Variants in CBL observed in about 807,000 individuals in gnomAD.
CBL encodes the protein Cbl proto-oncogene, also known as E3 ubiquitin-protein ligase CBL.
In CBL, 45 loss-of-function variants were observed where a neutral mutation model predicts 96.9. The ratio of observed to expected loss-of-function variants is 0.46; its 90% CI spans 0.37 to 0.60. The LOEUF (loss-of-function observed/expected upper bound fraction) is 0.60, where lower values mean the gene tolerates loss of function less well. Ranked by LOEUF, CBL falls within the 20% of genes least tolerant of loss-of-function variation. The pLI is 0.00. For missense variants in CBL, 1,024 were observed against 1,143.5 expected, an observed-to-expected ratio of 0.90 and a Z score of 1.51; for synonymous variants, 420 against 426.8, an observed-to-expected ratio of 0.98 and a Z score of 0.20.
intron 4 of CBL, 71 bp downstream of exon 4, chr11:119,274,095 T>G (rs1949869568): frequency 1.6e-6 from 2 of 1,237,064 alleles, no homozygotes; most frequent in African/African-American, 1.5e-5. Flanking sequence ...TTTTTTTTTT[T>G]TTTAAATAAC....
chr11:119,260,478 G>T (rs999079503), intron 2 of CBL, among the ~76,000 whole-genome samples: 1 of 151,828 alleles, frequency 6.6e-6, no homozygotes, highest in African/African-American at 2.4e-5. Context: ...GCTTCTTTAT[G>T]CCTAAATTGT....
chr11:119,273,777 A>G (rs988520647), intron 3 of CBL, 91 bp from the exon 4 acceptor site: 1 of 1,080,042 alleles, frequency 9.3e-7, no homozygotes, highest in African/African-American at 1.6e-5. Context: ...TTGAGAGCTT[A>G]ATGTGGCTCT....
rs1437446497 is a variant in CBL, at chr11:119,307,817, A to G, written c.*8036A>G. 4.7e-6 allele frequency: 1 copy of G among 212,374 alleles called. No individual in the cohort carries two copies. Among genetic ancestry groups the G allele is most frequent in the Admixed American group, 5.9e-5 (1 of 17,022 alleles). The allele number at this position is 212,374 out of a possible 1,614,324, so 13.2% of individuals were successfully genotyped here. On this transcript the variant is annotated 3_prime_UTR_variant, in exon 16 of 16. Transcript: ENST00000264033. ...ATATCAGTGTTAAGAAGAAAACAAA[A>G]CAAACACATAGGTGAGATTTTCGTG...
chr11:119,218,892 G>T (rs1396151749), intron 1 of CBL, among the ~76,000 whole-genome samples: 1 of 152,182 alleles, frequency 6.6e-6, no homozygotes, highest in Non-Finnish European at 1.5e-5. Context: ...TTACTAAGAT[G>T]TACAGTAAGA....
At chr11:119,255,704 G>A (rs1949706098) in intron 2 of CBL, among the ~76,000 whole-genome samples, 1 of 152,092 alleles carries the variant, frequency 6.6e-6, no homozygotes, top group Non-Finnish European at 1.5e-5. Context: ...TTTGTGAACA[G>A]TTTGTAAAAG....
rs1433052830 is a variant in CBL at position 119,303,667 on chromosome 11, T to C, written c.*3886T>C. ...TGATAATGCCTGGGAGATTCCTTGG[T>C]GTAAGTGTCATGGATACCGACTGTT... is the stretch of plus-strand genomic sequence containing the variant. On this transcript the variant is annotated 3_prime_UTR_variant, in exon 16 of 16. Transcript: ENST00000264033. 1.3e-5 allele frequency: 3 copies of C among 233,606 alleles called. No homozygotes were observed. Among genetic ancestry groups the C allele is most frequent in the Non-Finnish European group, 2.5e-5 (3 of 118,044 alleles). 14.5% of individuals were successfully genotyped at this position (233,606 alleles called of 1,614,324 possible).
chr11:119,211,814 C>T (rs1294339916), intron 1 of CBL, among the ~76,000 whole-genome samples: 1 of 151,744 alleles, frequency 6.6e-6, no homozygotes, highest in Non-Finnish European at 1.5e-5. Context: ...GTTGTTGTTA[C>T]GACTCTTTAA....
chr11:119,220,352 T>C (rs1170982131), intron 1 of CBL, among the ~76,000 whole-genome samples: 1 of 152,230 alleles, frequency 6.6e-6, no homozygotes, highest in African/African-American at 2.4e-5. Context: ...CTCATTCCTG[T>C]AATCCCAGCA....
chr11:119,279,477 C>T (rs1426229867), intron 9 of CBL, among the ~76,000 whole-genome samples: 13 of 134,780 alleles, frequency 9.6e-5, no homozygotes, highest in Non-Finnish European at 2.0e-4. Context: ...CCACCACTGC[C>T]CCCATGCCCC....
At chr11:119,235,930 A>G (rs1949542484) in intron 2 of CBL, among the ~76,000 whole-genome samples, 1 of 152,140 alleles carries the variant, frequency 6.6e-6, no homozygotes, top group African/African-American at 2.4e-5. Flanking sequence ...CAAGGAGTTC[A>G]TTTTTTCAAT....
intron 15 of CBL, among the ~76,000 whole-genome samples, chr11:119,299,229 T>C (rs1032158958): frequency 6.6e-6 from 1 of 152,190 alleles, no homozygotes; most frequent in African/African-American, 2.4e-5. Context: ...TGTTGCTTAG[T>C]GTAAAGCATG....
At position 119,221,631 on chromosome 11, in the gene CBL, G is replaced by T. The variant is rs111908274; in HGVS notation, c.196-10817G>T. ...AAATACAAAAAAATTAGCCAGGCGT[G>T]GTGGCGCATGCCTGTAATTTCGGTT... is the stretch of plus-strand genomic sequence containing the variant. On this transcript the variant is annotated intron_variant, in intron 1 of 15. Transcript: ENST00000264033. 8.1e-3 allele frequency among the ~76,000 whole-genome samples: 1,231 copies of T among 152,114 alleles called. 15 individuals carry two copies. Among genetic ancestry groups the T allele is most frequent in the African/African-American group, 0.028 (1,160 of 41,502 alleles).
rs187980321 is a variant in CBL, at chr11:119,217,607, A to T, written c.195+10995A>T. 4.6e-5 allele frequency among the ~76,000 whole-genome samples: 7 copies of T among 152,260 alleles called. No homozygotes were observed. The East Asian group carries it at 1.4e-3, about 29-fold the overall frequency. ...TCCTAATCAGCTCTCAGGAGATGTC[A>T]TTGCAGCAGACCCAGGTACCAGACT... is the stretch of plus-strand genomic sequence containing the variant. On this transcript the variant is annotated intron_variant, in intron 1 of 15. Transcript: ENST00000264033.
chr11:119,239,519 T>TA (rs1949569424), intron 2 of CBL, among the ~76,000 whole-genome samples: 1 of 152,244 alleles, frequency 6.6e-6, no homozygotes, highest in Non-Finnish European at 1.5e-5. Flanking sequence ...CTTTCCTAGA[T>TA]ACCAGATCAT....
chr11:119,290,107 G>A (rs1171599686), intron 12 of CBL, among the ~76,000 whole-genome samples: 2 of 151,298 alleles, frequency 1.3e-5, no homozygotes, highest in African/African-American at 2.4e-5. Context: ...GTGCAGTGGC[G>A]CAGTCTTGGC....
chr11:119,253,239 AT>A (rs879366955), intron 2 of CBL, among the ~76,000 whole-genome samples: 23 of 151,746 alleles, frequency 1.5e-4, no homozygotes, highest in Admixed American at 3.3e-4. Flanking sequence ...TGAAAAAAAA[AT>A]TTTTTTAAGT....
chr11:119,217,103 A>T (rs575866764), intron 1 of CBL, among the ~76,000 whole-genome samples: 11 of 152,300 alleles, frequency 7.2e-5, no homozygotes, highest in East Asian at 5.8e-4. Context: ...TAAACAAGCT[A>T]CTTAAGTCAC....
In CBL at chr11:119,255,523, TTA is replaced by T. The variant is rs1260816481; in HGVS notation, c.444-16206_444-16205del. Reference sequence around the variant, plus strand: ...TCCTTGCATAAATTCTAGTCTGTAATTATATATTTATAATTATATAAAAATAC... The same window carrying T: ...TCCTTGCATAAATTCTAGTCTGTAATTATATTTATAATTATATAAAAATAC... On this transcript the variant is annotated intron_variant, in intron 2 of 15. Coordinates refer to ENST00000264033, the MANE Select transcript of CBL (RefSeq NM_005188.4). 2.6e-5 allele frequency among the ~76,000 whole-genome samples: 4 copies of T among 152,106 alleles called. No individual in the cohort carries two copies. The East Asian group carries it at 7.7e-4, about 29-fold the overall frequency.
At position 119,304,826 on chromosome 11, in the gene CBL, G is replaced by A. The variant is rs992295847; in HGVS notation, c.*5045G>A. 14 of 187,074 alleles carry A rather than the reference G, an allele frequency of 7.5e-5. No individual in the cohort carries two copies. The highest frequency in any genetic ancestry group is 1.9e-4 in the African/African-American group (8 of 42,620). The allele number at this position is 187,074 out of a possible 1,614,324, so 11.6% of individuals were successfully genotyped here. On this transcript the variant is annotated 3_prime_UTR_variant, in exon 16 of 16. Transcript: ENST00000264033. ...TTTTTAGTAGAGACAGGGTTTCACC[G>A]TCTTGGCTAGGCTGGTCTTGAACTC...
Sources: gnomAD v4.1 joint callset for allele counts (sites outside exome capture counted in the v4.1 genomes callset) on GRCh38, gnomAD v4.1.1 for gene constraint, MANE v1.5 for transcripts, NCBI Gene and HGNC (gene_info 2026-07-23, HGNC 2026-07-21) for gene names.